The following MROH7 variants were observed in gnomAD, a reference collection of about 807,000 sequenced individuals.
The protein encoded by MROH7 is maestro heat like repeat family member 7, also known as maestro heat-like repeat-containing protein family member 7.
Under a neutral mutation model 129.2 loss-of-function variants are expected in MROH7, and 113 were observed. That is an observed-to-expected ratio of 0.87 (90% CI 0.75 to 1.02). The LOEUF (loss-of-function observed/expected upper bound fraction) is 1.02, where lower values mean the gene tolerates loss of function less well. Ranked by LOEUF, MROH7 falls within the 50% of genes least tolerant of loss-of-function variation. The pLI is 0.00. For missense variants in MROH7, 1,601 were observed against 1,671.3 expected, an observed-to-expected ratio of 0.96 and a Z score of 0.73; for synonymous variants, 655 against 667.9, an observed-to-expected ratio of 0.98 and a Z score of 0.30.
intron 22 of MROH7, among the ~76,000 whole-genome samples, chr1:54,708,559 A>C (rs1645573317): frequency 6.6e-6 from 1 of 152,240 alleles, no homozygotes; most frequent in Non-Finnish European, 1.5e-5. Context: ...CAGAGGAGTC[A>C]TCAGAAACAT....
chr1:54,702,577 G>A (rs747640098), intron 20 of MROH7, 46 bp from the exon 21 acceptor site: 1 of 1,488,628 alleles, frequency 6.7e-7, no homozygotes. Context: ...CTGGACCATA[G>A]TCTGGCTGTC....
chr1:54,670,074 G>GA (rs34229799), intron 5 of MROH7, among the ~76,000 whole-genome samples: 70,283 of 148,866 alleles, frequency 0.47, 16,718 homozygotes, highest in East Asian at 0.63. Context: ...TTAAAAAGAA[G>GA]AAAAAAAAAC....
intron 3 of MROH7, among the ~76,000 whole-genome samples, chr1:54,664,925 T>G (rs11206410): frequency 0.36 from 55,097 of 151,886 alleles, 10,522 homozygotes; most frequent in East Asian, 0.56. Context: ...GGCAAGAGAA[T>G]CACTTGAACC....
At chr1:54,686,933 A>G (rs932971213) in intron 15 of MROH7, among the ~76,000 whole-genome samples, 40 of 152,242 alleles carry the variant, frequency 2.6e-4, no homozygotes, top group African/African-American at 9.1e-4. Context: ...GGATAAACAC[A>G]TTTACTTATA....
Position 54,674,058 on chromosome 1 carries a change from C to G in MROH7, c.1843C>G (p.Leu615Val), listed in dbSNP as rs756649665. The G allele has an allele frequency of 1.2e-6, 2 of 1,614,174 alleles. No individual in the cohort carries two copies. Among genetic ancestry groups the G allele is most frequent in the South Asian group, 1.1e-5 (1 of 91,084 alleles). ...FPALGLLLGRLILHIGDPDEE... is the reference protein window; with the variant it reads ...FPALGLLLGRVILHIGDPDEE... The stretch of plus-strand genomic sequence containing the variant: ...GGCGCTGGGGCTTCTGCTGGGGAGA[C>G]TCATCCTTCACATTGGGGATCCTGA... Residue 615 changes from leucine to valine, a missense_variant, in exon 10 of 24, where the codon CTC (leucine) becomes GTC (valine). Transcript: ENST00000421030.
At chr1:54,691,662 CG>C (rs1645238316) in intron 15 of MROH7, among the ~76,000 whole-genome samples, 1 of 151,606 alleles carries the variant, frequency 6.6e-6, no homozygotes, top group Admixed American at 6.6e-5. Context: ...AAAAATTAGC[CG>C]GGTGTGGTGG....
At chr1:54,685,408 T>TG (rs974354086) in intron 14 of MROH7, among the ~76,000 whole-genome samples, 17 of 152,232 alleles carry the variant, frequency 1.1e-4, no homozygotes, top group African/African-American at 3.9e-4. Context: ...AACACTCCTG[T>TG]GGGGCTGGCC....
intron 16 of MROH7, among the ~76,000 whole-genome samples, chr1:54,693,921 G>A (rs1029274384): frequency 5.9e-5 from 9 of 152,058 alleles, no homozygotes; most frequent in African/African-American, 1.9e-4. Context: ...TTGCTCTATC[G>A]CCCACGCTGG....
intron 14 of MROH7, among the ~76,000 whole-genome samples, chr1:54,684,571 G>A (rs2101144691): frequency 6.6e-6 from 1 of 152,358 alleles, no homozygotes; most frequent in Admixed American, 6.5e-5. Flanking sequence ...TAAATCGTTT[G>A]AGCAAGATAG....
At chr1:54,649,533 G>A (rs1644523558) in intron 1 of MROH7, among the ~76,000 whole-genome samples, 3 of 152,266 alleles carry the variant, frequency 2.0e-5, no homozygotes, top group Non-Finnish European at 4.4e-5. Context: ...GATGGAGGAG[G>A]AGGACTGGGG....
Position 54,650,143 on chromosome 1 carries a change from G to C in MROH7, c.-109-1806G>C, listed in dbSNP as rs150871849. Reference sequence around the variant, plus strand: ...ACCATTTAGTTAAGGGCTTCGGTGGGCCATGTACTCCATGCCAGGCACTGT... The same window carrying C: ...ACCATTTAGTTAAGGGCTTCGGTGGCCCATGTACTCCATGCCAGGCACTGT... On this transcript the variant is annotated intron_variant, in intron 1 of 23. Transcript: ENST00000421030. 3.0e-4 allele frequency among the ~76,000 whole-genome samples: 46 copies of C among 152,242 alleles called. No individual in the cohort carries two copies. The East Asian group carries it at 6.9e-3, about 23-fold the overall frequency.
Position 54,671,015 on chromosome 1 carries a change from CT to C in MROH7, c.1599+87del, listed in dbSNP as rs368441298. Reference sequence around the variant, plus strand: ...GAGCTGCATCCTCCGGCTCATTGGTCTGTGGCCTTGGGCAATTCAACTGACT... The same window carrying C: ...GAGCTGCATCCTCCGGCTCATTGGTCGTGGCCTTGGGCAATTCAACTGACT... On this transcript the variant is annotated intron_variant, in intron 7 of 23. Coordinates refer to ENST00000421030, the MANE Select transcript of MROH7 (RefSeq NM_001039464.4). The C allele has an allele frequency of 1.0e-3, 1,486 of 1,441,692 alleles. 8 individuals are homozygous for C. The African/African-American group carries it at 0.019, about 18-fold the overall frequency. 89.3% of individuals were successfully genotyped at this position (1,441,692 alleles called of 1,614,324 possible).
rs147721916 is a variant in MROH7 at position 54,697,370 on chromosome 1, G to C, written c.2964+1880G>C. 4.0e-5 allele frequency: 14 copies of C among 348,480 alleles called. No individual in the cohort carries two copies. In the Admixed American group the frequency reaches 6.3e-4, roughly 16 times the overall value. 21.6% of individuals were successfully genotyped at this position (348,480 alleles called of 1,614,324 possible). A position where few individuals can be genotyped will look rare whatever the true frequency, so the allele number is the denominator to read the frequency against. ...TGTCACATTGGTATTGCACCCCCAGGTCCAGCTTTAGGAGGGCCCCAAGAA... is the reference window on the plus strand; with the variant it reads ...TGTCACATTGGTATTGCACCCCCAGCTCCAGCTTTAGGAGGGCCCCAAGAA... On this transcript the variant is annotated intron_variant, in intron 17 of 23. Coordinates refer to ENST00000421030, the MANE Select transcript of MROH7 (RefSeq NM_001039464.4).
intron 3 of MROH7, among the ~76,000 whole-genome samples, chr1:54,661,366 C>T (rs992360521): frequency 2.0e-5 from 3 of 151,862 alleles, no homozygotes; most frequent in Admixed American, 6.6e-5. Flanking sequence ...GCATGTGCCA[C>T]CATGCCTGGC....
intron 22 of MROH7, among the ~76,000 whole-genome samples, chr1:54,708,441 CAATA>C (rs1645571144): frequency 6.6e-6 from 1 of 151,804 alleles, no homozygotes; most frequent in African/African-American, 2.4e-5. Context: ...AACAAACAAA[CAATA>C]GTGAGGGAAG....
chr1:54,708,463 T>C (rs1380937063), intron 22 of MROH7, among the ~76,000 whole-genome samples: 1 of 150,682 alleles, frequency 6.6e-6, no homozygotes, highest in Non-Finnish European at 1.5e-5. Flanking sequence ...AAGGAGCTTC[T>C]GAGAGGTACA....
intron 22 of MROH7, 47 bp from the exon 23 acceptor site, chr1:54,708,967 G>GGGGGGGGGGCC (rs1645579368): frequency 3.0e-6 from 4 of 1,329,250 alleles, no homozygotes; most frequent in African/African-American, 1.5e-5. Context: ...TTGGGGTGGG[G>GGGGGGGGGGCC]TCGACGTCGG....
At chr1:54,646,548 G>C (rs900231551) in intron 1 of MROH7, among the ~76,000 whole-genome samples, 1 of 152,044 alleles carries the variant, frequency 6.6e-6, no homozygotes, top group Non-Finnish European at 1.5e-5. Flanking sequence ...ATCCTTTTAT[G>C]GTTGTCTGTT....
At chr1:54,667,074 CCAGGCACTGTTT>C (rs1644825811) in intron 4 of MROH7, among the ~76,000 whole-genome samples, 1 of 152,152 alleles carries the variant, frequency 6.6e-6, no homozygotes, top group Non-Finnish European at 1.5e-5. Flanking sequence ...CTACTATGTG[CCAGGCACTGTTT>C]CAGGCACTGG....
Sources: gnomAD v4.1 joint callset for allele counts (sites outside exome capture counted in the v4.1 genomes callset) on GRCh38, gnomAD v4.1.1 for gene constraint, MANE v1.5 for transcripts, NCBI Gene and HGNC (gene_info 2026-07-23, HGNC 2026-07-21) for gene names.